Variants in PLCB1 observed in about 807,000 individuals in gnomAD.
The protein encoded by PLCB1 is phospholipase C beta 1.
A neutral mutation model predicts 161.8 loss-of-function variants in PLCB1; 46 were observed. That is an observed-to-expected ratio of 0.28 (90% CI 0.22 to 0.36). The LOEUF is 0.36. Among genes scored for constraint, PLCB1 ranks in the 10% least tolerant of loss-of-function variants. The probability of loss-of-function intolerance (pLI) is 1.00; values close to 1 mark genes in which losing one functional copy is unlikely to be tolerated. For synonymous variants in PLCB1, 517 were observed against 503.7 expected, an observed-to-expected ratio of 1.03 and a Z score of -0.35; for missense variants, 1,016 against 1,472.5, an observed-to-expected ratio of 0.69 and a Z score of 5.07.
chr20:8,776,362 G>T (rs1470226758), intron 27 of PLCB1, among the ~76,000 whole-genome samples: 2 of 152,158 alleles, frequency 1.3e-5, no homozygotes, highest in Admixed American at 6.5e-5. Flanking sequence ...AGAGCCCCTG[G>T]TTTATAACCA....
intron 3 of PLCB1, among the ~76,000 whole-genome samples, chr20:8,488,157 C>T (rs1193306530): frequency 6.6e-6 from 1 of 152,084 alleles, no homozygotes; most frequent in Admixed American, 6.5e-5. Flanking sequence ...TCTAAAAATG[C>T]CCATTTGTTG....
At chr20:8,538,686 C>G (rs1985150435) in intron 3 of PLCB1, among the ~76,000 whole-genome samples, 1 of 151,910 alleles carries the variant, frequency 6.6e-6, no homozygotes, top group Admixed American at 6.6e-5. Context: ...ATTAAACAAC[C>G]CTATTTATTG....
intron 3 of PLCB1, among the ~76,000 whole-genome samples, chr20:8,573,952 A>G (rs1475435957): frequency 6.6e-6 from 1 of 151,984 alleles, no homozygotes; most frequent in Non-Finnish European, 1.5e-5. Context: ...AAAAGGGAAA[A>G]AAAGATAAAT....
At chr20:8,876,333 C>T (rs1283226510) in intron 31 of PLCB1, among the ~76,000 whole-genome samples, 1 of 152,134 alleles carries the variant, frequency 6.6e-6, no homozygotes, top group Non-Finnish European at 1.5e-5. Context: ...TAAGATTAAA[C>T]AAACTCAAGT....
At chr20:8,396,415 C>T (rs916964886) in intron 3 of PLCB1, among the ~76,000 whole-genome samples, 11 of 152,098 alleles carry the variant, frequency 7.2e-5, no homozygotes, top group African/African-American at 2.6e-4. Flanking sequence ...ACTATTAATC[C>T]TAGCACTACA....
At chr20:8,684,644 C>T (rs927895864) in intron 9 of PLCB1, among the ~76,000 whole-genome samples, 1 of 151,994 alleles carries the variant, frequency 6.6e-6, no homozygotes, top group Non-Finnish European at 1.5e-5. Flanking sequence ...ATTTTAGTGC[C>T]GATCCATAAA....
intron 3 of PLCB1, among the ~76,000 whole-genome samples, chr20:8,408,465 G>T (rs1455487186): frequency 2.0e-5 from 3 of 151,096 alleles, no homozygotes; most frequent in Non-Finnish European, 4.4e-5. Context: ...GAAAGAAAAA[G>T]GAAAAATGAA....
intron 10 of PLCB1, among the ~76,000 whole-genome samples, chr20:8,692,889 T>C (rs1225881830): frequency 6.6e-6 from 1 of 152,066 alleles, no homozygotes; most frequent in Non-Finnish European, 1.5e-5. Flanking sequence ...CCATGTTATA[T>C]ATAGCTCAGA....
intron 2 of PLCB1, among the ~76,000 whole-genome samples, chr20:8,338,293 C>A (rs1039799008): frequency 6.6e-6 from 1 of 152,056 alleles, no homozygotes; most frequent in Non-Finnish European, 1.5e-5. Context: ...GCTTAGAAAG[C>A]CCTATTTCTC....
At chr20:8,378,142 C>T (rs773749395) in intron 3 of PLCB1, among the ~76,000 whole-genome samples, 10 of 152,128 alleles carry the variant, frequency 6.6e-5, no homozygotes, top group Non-Finnish European at 1.2e-4. Flanking sequence ...TACAAAATGT[C>T]GCATACACTT....
intron 7 of PLCB1, 52 bp downstream of exon 7, chr20:8,649,501 A>C (rs1159861730): frequency 2.7e-4 from 345 of 1,274,980 alleles, no homozygotes; most frequent in Non-Finnish European, 3.7e-4. Flanking sequence ...TCCAAAACTC[A>C]TGTTGAAACT....
chr20:8,485,473 G>C (rs557989064), intron 3 of PLCB1, among the ~76,000 whole-genome samples: 1 of 152,184 alleles, frequency 6.6e-6, no homozygotes, highest in East Asian at 1.9e-4. Flanking sequence ...ACAGAAGAAG[G>C]TCCCTATACA....
intron 2 of PLCB1, among the ~76,000 whole-genome samples, chr20:8,310,446 A>T (rs1984346215): frequency 6.6e-6 from 1 of 152,198 alleles, no homozygotes; most frequent in Non-Finnish European, 1.5e-5. Context: ...TATTGCATTT[A>T]GATGAATTTA....
rs61698006 is a variant in PLCB1 at position 8,203,097 on chromosome 20, GCA to G, written c.177+52742_177+52743del. The stretch of plus-strand genomic sequence containing the variant: ...TTCTGGGTTGTATGCACACACACGC[GCA>G]CACACACACACACACGTACACACAC... On this transcript the variant is annotated intron_variant, in intron 2 of 31. Transcript: ENST00000338037. Among the ~76,000 whole-genome samples the G allele has an allele frequency of 7.7e-4, 115 of 150,206 alleles. 1 individual carries two copies. The highest frequency in any genetic ancestry group is 1.4e-3 in the Admixed American group (21 of 15,014).
intron 3 of PLCB1, among the ~76,000 whole-genome samples, chr20:8,535,202 C>CGCAAAA (rs750635805): frequency 1.9e-5 from 1 of 52,796 alleles, no homozygotes; most frequent in Admixed American, 3.1e-4. Flanking sequence ...AGTTTATGGG[C>CGCAAAA]AAAAAAAAAA....
chr20:8,519,881 C>A (rs1003715945), intron 3 of PLCB1, among the ~76,000 whole-genome samples: 3 of 152,072 alleles, frequency 2.0e-5, no homozygotes, highest in Non-Finnish European at 4.4e-5. Flanking sequence ...ATTTCCTGAT[C>A]AATAATGTGC....
intron 2 of PLCB1, among the ~76,000 whole-genome samples, chr20:8,217,419 G>A (rs971539558): frequency 2.0e-5 from 3 of 152,074 alleles, no homozygotes; most frequent in Non-Finnish European, 4.4e-5. Flanking sequence ...AGATGAGATG[G>A]AGTACCCCAT....
chr20:8,167,457 G>A (rs2051687046), intron 2 of PLCB1, among the ~76,000 whole-genome samples: 1 of 152,126 alleles, frequency 6.6e-6, no homozygotes, highest in Non-Finnish European at 1.5e-5. Flanking sequence ...AGTGAGATCT[G>A]CCACAATCAC....
intron 31 of PLCB1, among the ~76,000 whole-genome samples, chr20:8,832,179 G>A (rs1226164875): frequency 6.6e-6 from 1 of 152,064 alleles, no homozygotes; most frequent in Non-Finnish European, 1.5e-5. Flanking sequence ...ATTGGCCTAG[G>A]AATGGTAAGG....
Sources: gnomAD v4.1 joint callset for allele counts (sites outside exome capture counted in the v4.1 genomes callset) on GRCh38, gnomAD v4.1.1 for gene constraint, MANE v1.5 for transcripts, NCBI Gene and HGNC (gene_info 2026-07-23, HGNC 2026-07-21) for gene names.